Variants in PDE10A observed in about 807,000 individuals in gnomAD.
PDE10A encodes the protein phosphodiesterase 10A.
In PDE10A, 39 loss-of-function variants were observed where a neutral mutation model predicts 97.7. The observed-to-expected ratio is 0.40, with a 90% CI of 0.31 to 0.52. The LOEUF is 0.52. Ranked by LOEUF, PDE10A falls within the 20% of genes least tolerant of loss-of-function variation. The pLI, the probability that PDE10A is intolerant of heterozygous loss-of-function variation, is 0.56. For missense variants in PDE10A, 731 were observed against 1,047.8 expected (o/e 0.70, Z 4.17); for synonymous variants, 371 against 376.8 (o/e 0.98, Z 0.18).
intron 1 of PDE10A, among the ~76,000 whole-genome samples, chr6:165,746,325 T>C (rs1451858989): frequency 6.6e-6 from 1 of 152,202 alleles, no homozygotes; most frequent in Non-Finnish European, 1.5e-5. Context: ...GTGGGGTACA[T>C]TTATTGACTC....
intron 2 of PDE10A, among the ~76,000 whole-genome samples, chr6:165,537,857 G>C (rs1783185834): frequency 6.6e-6 from 1 of 151,880 alleles, no homozygotes; most frequent in South Asian, 2.1e-4. Context: ...AAAAAGAGAA[G>C]AGTGTCCAAA....
intron 1 of PDE10A, among the ~76,000 whole-genome samples, chr6:165,860,162 AC>A (rs1189110025): frequency 1.3e-5 from 2 of 152,146 alleles, no homozygotes; most frequent in Admixed American, 1.3e-4. Context: ...CAATAAAAAC[AC>A]AAAAACGTGG....
At chr6:165,974,348 T>C (rs1036079341) in intron 1 of PDE10A, among the ~76,000 whole-genome samples, 5 of 152,174 alleles carry the variant, frequency 3.3e-5, no homozygotes, top group African/African-American at 4.8e-5. Context: ...GATCTAAAAA[T>C]GATTGGAACA....
intron 1 of PDE10A, among the ~76,000 whole-genome samples, chr6:165,742,501 C>G (rs901116545): frequency 5.3e-5 from 8 of 152,094 alleles, no homozygotes; most frequent in Non-Finnish European, 8.8e-5. Flanking sequence ...CCCCACTGCC[C>G]CATTATTGAA....
chr6:165,662,095 G>T lies in PDE10A; in HGVS notation c.717C>A (p.Gly239=), dbSNP rs1455924273. ...GACGCCGCGGAGTTTGGCCGCCGCC[G>T]CCTGGGCCGGCGCCGGGGAAGCCGG... The part of the protein sequence containing the change: ...GSPGFPGAGP[G]GGGQTPRRPQ... Residue 239 remains glycine, a synonymous_variant, in exon 1 of 22, where the codon GGC becomes GGA. Transcript: ENST00000539869. The T allele has an allele frequency of 2.6e-5, 30 of 1,149,536 alleles. No individual in the cohort carries two copies. The highest frequency in any genetic ancestry group is 3.0e-5 in the Non-Finnish European group (28 of 930,394). 71.2% of individuals were successfully genotyped at this position (1,149,536 alleles called of 1,614,324 possible).
chr6:165,336,586 A>G (rs2128175666), intron 20 of PDE10A, among the ~76,000 whole-genome samples: 1 of 148,194 alleles, frequency 6.7e-6, no homozygotes, highest in South Asian at 2.2e-4. Flanking sequence ...CGTCTCTACT[A>G]AAAATACAAA....
At chr6:165,883,547 A>T (rs56329280) in intron 1 of PDE10A, among the ~76,000 whole-genome samples, 5,524 of 73,234 alleles carry the variant, frequency 0.075, 137 homozygotes, top group Non-Finnish European at 0.09. Flanking sequence ...CTCAAAAAAA[A>T]AAAAAATAAA....
At position 165,706,788 on chromosome 6, in the gene PDE10A, T is replaced by C. The variant is rs141841520; in HGVS notation, c.-614-163220A>G. On this transcript the variant is annotated intron_variant, in intron 1 of 19. Transcript: ENST00000366882. ...TTCAGACTTTAGGGAGAAAAAGGCT[T>C]ATGAATAACAGATTTACGTGGTTTC... Among the ~76,000 whole-genome samples, 6 of 152,340 alleles carry C rather than the reference T, an allele frequency of 3.9e-5. No individual in the cohort carries two copies. In the East Asian group the frequency reaches 1.2e-3, roughly 29 times the overall value.
At chr6:165,369,869 C>T (rs924566717) in intron 18 of PDE10A, among the ~76,000 whole-genome samples, 10 of 151,726 alleles carry the variant, frequency 6.6e-5, no homozygotes, top group Non-Finnish European at 1.3e-4. Flanking sequence ...ATCAGACTAA[C>T]AGCAAATCTC....
intron 1 of PDE10A, among the ~76,000 whole-genome samples, chr6:165,849,692 C>G (rs955599062): frequency 6.6e-6 from 1 of 152,196 alleles, no homozygotes; most frequent in Non-Finnish European, 1.5e-5. Flanking sequence ...GCTGTGAGAG[C>G]CGGGGGCCCA....
intron 2 of PDE10A, among the ~76,000 whole-genome samples, chr6:165,537,277 C>T (rs1164132282): frequency 6.6e-6 from 1 of 151,506 alleles, no homozygotes; most frequent in Non-Finnish European, 1.5e-5. Context: ...TACCAGAGGC[C>T]GGGAACACCA....
At chr6:165,428,461 AT>A (rs1789321295) in intron 10 of PDE10A, among the ~76,000 whole-genome samples, 196 bp downstream of exon 10, 1 of 152,152 alleles carries the variant, frequency 6.6e-6, no homozygotes, top group African/African-American at 2.4e-5. Context: ...AAGCTCTGAG[AT>A]TTTTAAAAAT....
intron 1 of PDE10A, among the ~76,000 whole-genome samples, chr6:165,962,983 C>T (rs1308302492): frequency 4.6e-5 from 7 of 152,202 alleles, no homozygotes; most frequent in South Asian, 2.1e-4. Context: ...CACACCCACA[C>T]GCGTGGTTGT....
In PDE10A at chr6:165,943,213, A is replaced by AAG. The variant is rs1208996050; in HGVS notation, c.-615+44314_-615+44315dup. ...AAAGAAAGAAAGAAAGAAAGAAAGA[A>AAG]AGAAAGAAAGAAAGAAAGAAAGAAG... On this transcript the variant is annotated intron_variant, in intron 1 of 19. Transcript: ENST00000366882. 9.7e-5 allele frequency among the ~76,000 whole-genome samples: 9 copies of AAG among 92,784 alleles called. 1 individual carries two copies. Among genetic ancestry groups the AAG allele is most frequent in the African/African-American group, 4.0e-4 (8 of 19,776 alleles). The allele number at this position is 92,784 out of a possible 152,430, so 60.9% of individuals were successfully genotyped here.
At chr6:165,584,039 T>G (rs892923557) in intron 1 of PDE10A, among the ~76,000 whole-genome samples, 7 of 152,176 alleles carry the variant, frequency 4.6e-5, no homozygotes, top group African/African-American at 1.7e-4. Context: ...AAGTACTGGC[T>G]GGGGTGATTG....
intron 1 of PDE10A, among the ~76,000 whole-genome samples, chr6:165,607,718 A>T (rs1787278628): frequency 6.6e-6 from 1 of 152,208 alleles, no homozygotes; most frequent in Admixed American, 6.5e-5. Flanking sequence ...TGTGTCTCCA[A>T]ATGAGTTGGA....
intron 1 of PDE10A, among the ~76,000 whole-genome samples, chr6:165,749,251 T>TCACCAC (rs1792920712): frequency 1.4e-5 from 1 of 71,070 alleles, no homozygotes; most frequent in Non-Finnish European, 3.6e-5. Flanking sequence ...CACATCACCA[T>TCACCAC]CATCACCATT....
At chr6:165,528,347 G>C (rs369395079) in intron 2 of PDE10A, among the ~76,000 whole-genome samples, 1 of 152,164 alleles carries the variant, frequency 6.6e-6, no homozygotes, top group African/African-American at 2.4e-5. Context: ...CCCTGTCATC[G>C]CCCTATGGGC....
chr6:165,784,823 A>T (rs1374023678), intron 1 of PDE10A, among the ~76,000 whole-genome samples: 4 of 152,136 alleles, frequency 2.6e-5, no homozygotes, highest in African/African-American at 9.7e-5. Flanking sequence ...TACTCTGGGG[A>T]TGGAATCACT....
Sources: gnomAD v4.1 joint callset for allele counts (sites outside exome capture counted in the v4.1 genomes callset) on GRCh38, gnomAD v4.1.1 for gene constraint, MANE v1.5 for transcripts, NCBI Gene and HGNC (gene_info 2026-07-23, HGNC 2026-07-21) for gene names.